TNFRSF8: variants seen among roughly 807,000 people sequenced by gnomAD.
TNFRSF8 encodes TNF receptor superfamily member 8.
TNFRSF8 carries 26 observed loss-of-function variants against 70.8 expected under a neutral mutation model. The observed-to-expected ratio is 0.37, with a 90% CI of 0.27 to 0.51. The LOEUF is 0.51. Among genes scored for constraint, TNFRSF8 ranks in the 20% least tolerant of loss-of-function variants. The probability of loss-of-function intolerance (pLI) is 0.94; values close to 1 mark genes in which losing one functional copy is unlikely to be tolerated. For missense variants in TNFRSF8, 720 were observed against 807.9 expected, an observed-to-expected ratio of 0.89 and a Z score of 1.32; for synonymous variants, 356 against 339.2, an observed-to-expected ratio of 1.05 and a Z score of -0.54.
At chr1:12,065,440 AAT>A (rs1463732500) in intron 1 of TNFRSF8, among the ~76,000 whole-genome samples, 4 of 152,176 alleles carry the variant, frequency 2.6e-5, no homozygotes, top group Non-Finnish European at 4.4e-5. Context: ...GGAATATATA[AAT>A]ATATTCTCAA....
chr1:12,067,181 C>T (rs902940966), intron 1 of TNFRSF8, among the ~76,000 whole-genome samples: 6 of 152,186 alleles, frequency 3.9e-5, no homozygotes, highest in African/African-American at 1.2e-4. Context: ...TCCTTTTCAT[C>T]CAGGCACCAT....
chr1:12,107,755 G>A (rs1342084128), intron 4 of TNFRSF8, among the ~76,000 whole-genome samples: 4 of 152,072 alleles, frequency 2.6e-5, no homozygotes, highest in Non-Finnish European at 5.9e-5. Context: ...GCAGCTCTCC[G>A]GGGTTGTTGT....
rs1392070877 is a variant in TNFRSF8 at position 12,108,753 on chromosome 1, C to CA, written c.422-812dup. Among the ~76,000 whole-genome samples the CA allele has an allele frequency of 6.6e-6, 1 of 152,152 alleles. No homozygotes were observed. The highest frequency in any genetic ancestry group is 1.9e-4 in the East Asian group (1 of 5,188). On this transcript the variant is annotated intron_variant, in intron 4 of 14. Coordinates refer to ENST00000263932, the MANE Select transcript of TNFRSF8 (RefSeq NM_001243.5). This position sits in a 1 kb window ranked among gnomAD's most constrained non-coding sequence, Gnocchi z 4.0. The stretch of plus-strand genomic sequence containing the variant: ...GCTTGAACCTGGGAGGCAGAGGTTG[C>CA]AGTGAGCTGAGATTGCATCACTGCA...
rs1030938386 is a variant in TNFRSF8, at chr1:12,101,821, G to A, written c.269-2558G>A. On this transcript the variant is annotated intron_variant, in intron 3 of 14. Coordinates refer to ENST00000263932, the MANE Select transcript of TNFRSF8 (RefSeq NM_001243.5). ...CAAGTAGCTGGGATTACAGGCATGC[G>A]CCACCATGCCTGGCTAATTTTTGTA... Among the ~76,000 whole-genome samples, 4 of 152,082 alleles carry A rather than the reference G, an allele frequency of 2.6e-5. 1 individual carries two copies. Among genetic ancestry groups the A allele is most frequent in the Admixed American group, 1.3e-4 (2 of 15,258 alleles).
At chr1:12,106,093 C>T (rs531119415) in intron 4 of TNFRSF8, among the ~76,000 whole-genome samples, 8 of 152,096 alleles carry the variant, frequency 5.3e-5, no homozygotes, top group East Asian at 3.9e-4. Context: ...CGGTTCTTGG[C>T]GGGAGGATGA....
intron 1 of TNFRSF8, among the ~76,000 whole-genome samples, chr1:12,071,905 C>T (rs1309510772): frequency 6.6e-6 from 1 of 152,130 alleles, no homozygotes; most frequent in Non-Finnish European, 1.5e-5. Context: ...CCATGTTGGC[C>T]AGGATGGTTT....
chr1:12,104,358 A>ACC, intron 3 of TNFRSF8, 21 bp from the exon 4 acceptor site: 5 of 1,612,654 alleles, frequency 3.1e-6, no homozygotes, highest in Non-Finnish European at 4.2e-6. Context: ...CCCCTCTGTG[A>ACC]CCCCTGTCTG....
intron 1 of TNFRSF8, among the ~76,000 whole-genome samples, chr1:12,065,898 C>A (rs1370923868): frequency 6.6e-6 from 1 of 152,086 alleles, no homozygotes; most frequent in East Asian, 1.9e-4. Context: ...TGATTCTTTC[C>A]TAGACAAGAG....
intron 13 of TNFRSF8, among the ~76,000 whole-genome samples, chr1:12,137,259 G>A (rs1382830541): frequency 6.6e-6 from 1 of 152,036 alleles, no homozygotes; most frequent in East Asian, 1.9e-4. Context: ...TAGAATTTAT[G>A]GGTATAACAT....
At chr1:12,082,811 TTTATTAAAGCTAAGAA>T (rs1179274673) in intron 1 of TNFRSF8, among the ~76,000 whole-genome samples, 1 of 152,148 alleles carries the variant, frequency 6.6e-6, no homozygotes, top group Non-Finnish European at 1.5e-5. Flanking sequence ...GTATATGTAA[TTTATTAAAGCTAAGAA>T]TGTCTGTTCA....
chr1:12,107,662 G>T (rs540421283), intron 4 of TNFRSF8, among the ~76,000 whole-genome samples: 1 of 152,060 alleles, frequency 6.6e-6, no homozygotes, highest in South Asian at 2.1e-4. Context: ...ATCTCTGTTG[G>T]ACAGCACTGT....
chr1:12,079,242 G>C (rs1641020468), intron 1 of TNFRSF8, among the ~76,000 whole-genome samples: 1 of 152,226 alleles, frequency 6.6e-6, no homozygotes, highest in South Asian at 2.1e-4. Flanking sequence ...CCTGAAAATG[G>C]TAAGGTTTTA....
intron 12 of TNFRSF8, 151 bp downstream of exon 12, chr1:12,126,387 A>T (rs1570069400): frequency 2.3e-6 from 2 of 870,096 alleles, no homozygotes; most frequent in East Asian, 5.2e-5. Context: ...ATCTGTAGGG[A>T]TGCAATGTGG....
At chr1:12,102,791 G>T (rs1355087453) in intron 3 of TNFRSF8, among the ~76,000 whole-genome samples, 4 of 152,174 alleles carry the variant, frequency 2.6e-5, no homozygotes, top group Non-Finnish European at 5.9e-5. Context: ...CTCCCAAAGT[G>T]CTGGGATTAC....
At chr1:12,071,138 G>C (rs993402129) in intron 1 of TNFRSF8, among the ~76,000 whole-genome samples, 1 of 152,138 alleles carries the variant, frequency 6.6e-6, no homozygotes, top group Non-Finnish European at 1.5e-5. Flanking sequence ...CAACATGAAG[G>C]TATTGTCTTA....
chr1:12,102,584 G>A (rs1193133955), intron 3 of TNFRSF8, among the ~76,000 whole-genome samples: 1 of 152,154 alleles, frequency 6.6e-6, no homozygotes, highest in Non-Finnish European at 1.5e-5. Context: ...GGAGTGAAGT[G>A]GGGCCATCTC....
chr1:12,068,994 C>A (rs1173479583), intron 1 of TNFRSF8, among the ~76,000 whole-genome samples: 2 of 151,556 alleles, frequency 1.3e-5, no homozygotes, highest in Non-Finnish European at 2.9e-5. Context: ...GCCTCAGCCT[C>A]CCAAGTAGCT....
At chr1:12,099,016 T>C (rs568677026) in intron 3 of TNFRSF8, among the ~76,000 whole-genome samples, 43 of 152,392 alleles carry the variant, frequency 2.8e-4, no homozygotes, top group African/African-American at 9.9e-4. Context: ...TCTCTGTTCC[T>C]GAGTTTTTCA....
intron 3 of TNFRSF8, 99 bp from the exon 4 acceptor site, chr1:12,104,279 CG>C (rs1641477807): frequency 7.5e-7 from 1 of 1,328,310 alleles, no homozygotes; most frequent in East Asian, 2.3e-5. Flanking sequence ...GCGGAGGCTG[CG>C]TTGCGGACTG....
Sources: gnomAD v4.1 joint callset for allele counts (sites outside exome capture counted in the v4.1 genomes callset) on GRCh38, gnomAD v4.1.1 for gene constraint, Gnocchi (gnomAD v3.1) non-coding constraint, MANE v1.5 for transcripts, NCBI Gene and HGNC (gene_info 2026-07-23, HGNC 2026-07-21) for gene names.